Variants in UNG observed in about 807,000 individuals in gnomAD.
The protein encoded by UNG is uracil DNA glycosylase.
Under a neutral mutation model 36.5 loss-of-function variants are expected in UNG, and 34 were observed. That is an observed-to-expected ratio of 0.93 (90% CI 0.71 to 1.24). The LOEUF is 1.24. Ranked by LOEUF, UNG falls within the 50% of genes most tolerant of loss-of-function variation. UNG has a pLI of 0.00. For missense variants in UNG, 391 were observed against 397.6 expected (o/e 0.98, Z 0.14); for synonymous variants, 172 against 157.8 (o/e 1.09, Z -0.67).
At chr12:109,108,041 T>G (rs1221162141) in intron 6 of UNG, among the ~76,000 whole-genome samples, 1 of 152,214 alleles carries the variant, frequency 6.6e-6, no homozygotes, top group Non-Finnish European at 1.5e-5. Flanking sequence ...TTTGTTCACT[T>G]GGTAAATTTT....
chr12:109,109,079 GTTC>G (rs2042240001), intron 6 of UNG, among the ~76,000 whole-genome samples: 3 of 152,184 alleles, frequency 2.0e-5, no homozygotes, highest in Admixed American at 2.0e-4. Context: ...AAGCTATGAT[GTTC>G]AGCAGGTTAT....
Position 109,104,351 on chromosome 12 carries a change from C to G in UNG, c.801+740C>G, listed in dbSNP as rs536369000. 2.0e-5 allele frequency among the ~76,000 whole-genome samples: 3 copies of G among 152,056 alleles called. No individual in the cohort carries two copies. In the East Asian group the frequency reaches 5.8e-4, roughly 29 times the overall value. ...GCATGAGCCACCACACCCGGCCTAT[C>G]GGTGATCATTATTAACCCCAAGGTC... On this transcript the variant is annotated intron_variant, in intron 6 of 6. Coordinates refer to ENST00000242576, the MANE Select transcript of UNG (RefSeq NM_080911.3).
At chr12:109,104,440 C>T (rs1008207594) in intron 6 of UNG, among the ~76,000 whole-genome samples, 1 of 152,086 alleles carries the variant, frequency 6.6e-6, no homozygotes, top group African/African-American at 2.4e-5. Flanking sequence ...CCCCTATCTG[C>T]TACCTCCCTC....
chr12:109,099,232 A>G lies in UNG; in HGVS notation c.383A>G (p.Tyr128Cys), dbSNP rs1340441355. Residue 128 changes from tyrosine to cysteine, a missense_variant, in exon 3 of 7, where the codon TAT becomes TGT. Coordinates refer to ENST00000242576, the MANE Select transcript of UNG (RefSeq NM_080911.3). ...GAAGAAAGAAAGCATTACACTGTTTATCCACCCCCACACCAAGTCTTCACC... is the reference window on the plus strand; with the variant it reads ...GAAGAAAGAAAGCATTACACTGTTTGTCCACCCCCACACCAAGTCTTCACC... ...VAEERKHYTV[Y>C]PPPHQVFTWT... 1.2e-6 allele frequency: 2 copies of G among 1,613,924 alleles called. No homozygotes were observed. Among genetic ancestry groups the G allele is most frequent in the Non-Finnish European group, 1.7e-6 (2 of 1,180,024 alleles).
At chr12:109,105,904 G>A (rs2042211864) in intron 6 of UNG, among the ~76,000 whole-genome samples, 1 of 152,248 alleles carries the variant, frequency 6.6e-6, no homozygotes, top group Non-Finnish European at 1.5e-5. Flanking sequence ...ATTTCAGGGG[G>A]GTAGAGGGGT....
intron 6 of UNG, among the ~76,000 whole-genome samples, chr12:109,107,748 C>T (rs1205774200): frequency 6.6e-6 from 1 of 152,068 alleles, no homozygotes; most frequent in East Asian, 1.9e-4. Flanking sequence ...TGGTCTTGAA[C>T]TCCTGACCTC....
At chr12:109,097,936 C>A (rs913811621) in intron 1 of UNG, 125 bp downstream of exon 1, 37 of 1,322,624 alleles carry the variant, frequency 2.8e-5, no homozygotes, top group Non-Finnish European at 3.7e-5. Flanking sequence ...TTCCAAATAG[C>A]CTCCACGTGT....
chr12:109,099,030 G>A (rs1297303291), intron 2 of UNG, among the ~76,000 whole-genome samples, 159 bp from the exon 3 acceptor site: 1 of 152,178 alleles, frequency 6.6e-6, no homozygotes, highest in Non-Finnish European at 1.5e-5. Flanking sequence ...AGGTGGGGGG[G>A]CAGGCACTGT....
chr12:109,103,316 A>G (rs2042192236), intron 5 of UNG, 117 bp from the exon 6 acceptor site: 5 of 985,202 alleles, frequency 5.1e-6, no homozygotes, highest in Non-Finnish European at 8.0e-6. Context: ...AGGGAAGCAC[A>G]GCTTGCTACA....
chr12:109,099,994 G>A lies in UNG; in HGVS notation c.435+710G>A, dbSNP rs1325668113. ...GGAGAATCGCATGAGCCCAGGAGGC[G>A]GAGGTTGCAGTGAGCTGAGATCACA... is the stretch of plus-strand genomic sequence containing the variant. On this transcript the variant is annotated intron_variant, in intron 3 of 6. Coordinates refer to ENST00000242576, the MANE Select transcript of UNG (RefSeq NM_080911.3). 5.3e-5 allele frequency among the ~76,000 whole-genome samples: 8 copies of A among 152,090 alleles called. No homozygotes were observed. The East Asian group carries it at 7.7e-4, about 15-fold the overall frequency.
chr12:109,106,247 T>C (rs2135890265), intron 6 of UNG, among the ~76,000 whole-genome samples: 1 of 152,294 alleles, frequency 6.6e-6, no homozygotes, highest in South Asian at 2.1e-4. Context: ...AGATGAAAAC[T>C]GAAGCAGCTT....
chr12:109,103,033 C>A (rs1448210737), intron 5 of UNG, 106 bp downstream of exon 5: 8 of 833,304 alleles, frequency 9.6e-6, no homozygotes, highest in Non-Finnish European at 1.6e-5. Flanking sequence ...CTTACTGCAA[C>A]CTCTGCCTCC....
chr12:109,098,021 A>C, intron 1 of UNG: 2 of 1,292,790 alleles, frequency 1.5e-6, no homozygotes. Context: ...CTCGGGGCCC[A>C]TGGCGCCAAT....
intron 6 of UNG, among the ~76,000 whole-genome samples, chr12:109,109,374 T>C (rs2042242257): frequency 6.6e-6 from 1 of 152,006 alleles, no homozygotes; most frequent in Non-Finnish European, 1.5e-5. Context: ...CGGACTAATG[T>C]TCTAATGCAA....
chr12:109,105,453 A>G (rs2042209046), intron 6 of UNG, among the ~76,000 whole-genome samples: 2 of 152,212 alleles, frequency 1.3e-5, no homozygotes, highest in Admixed American at 6.5e-5. Context: ...GTCTGAAAGT[A>G]AACAGTTGTT....
At chr12:109,098,314 A>G (rs1470764408) in intron 1 of UNG, 118 bp from the exon 2 acceptor site, 1 of 1,595,360 alleles carries the variant, frequency 6.3e-7, no homozygotes, top group South Asian at 1.1e-5. Flanking sequence ...TTTTGCTGGG[A>G]CCTGTTCCAC....
intron 1 of UNG, 53 bp from the exon 2 acceptor site, chr12:109,098,379 C>T (rs1372884831): frequency 6.2e-7 from 1 of 1,602,216 alleles, no homozygotes; most frequent in Non-Finnish European, 8.5e-7. Flanking sequence ...CTGCGGACGC[C>T]TGGGAAGGGG....
chr12:109,109,502 G>T (rs886818457), intron 6 of UNG, among the ~76,000 whole-genome samples: 17 of 147,024 alleles, frequency 1.2e-4, no homozygotes, highest in Non-Finnish European at 2.5e-4. Context: ...AAAAAGTCCC[G>T]GCCGGGCATG....
At chr12:109,101,749 T>C (rs1337249728) in intron 3 of UNG, among the ~76,000 whole-genome samples, 153 bp from the exon 4 acceptor site, 2 of 152,154 alleles carry the variant, frequency 1.3e-5, no homozygotes, top group Admixed American at 1.3e-4. Flanking sequence ...TCTTTACAAG[T>C]TTAAAATACG....
Sources: gnomAD v4.1 joint callset for allele counts (sites outside exome capture counted in the v4.1 genomes callset) on GRCh38, gnomAD v4.1.1 for gene constraint, MANE v1.5 for transcripts, NCBI Gene and HGNC (gene_info 2026-07-23, HGNC 2026-07-21) for gene names.